WWOX: variants seen among roughly 807,000 people sequenced by gnomAD.
WWOX encodes the protein WW domain-containing oxidoreductase.
WWOX carries 69 observed loss-of-function variants against 46.2 expected under a neutral mutation model. That is an observed-to-expected ratio of 1.49 (90% CI 1.23 to 1.82). The LOEUF is 1.82. Among genes scored for constraint, WWOX ranks in the 40% most tolerant of loss-of-function variants. The pLI, the probability that WWOX is intolerant of heterozygous loss-of-function variation, is 0.00. For missense variants in WWOX, 919 were observed against 542.6 expected (o/e 1.69, Z -6.89); for synonymous variants, 359 against 202.6 (o/e 1.77, Z -6.56).
chr16:78,476,738 A>G (rs1048288542), intron 8 of WWOX, among the ~76,000 whole-genome samples: 2 of 152,202 alleles, frequency 1.3e-5, no homozygotes, highest in Non-Finnish European at 2.9e-5. Flanking sequence ...CTTCAGTTGA[A>G]GACCTAAATG....
chr16:79,082,921 A>G (rs1306439847), intron 8 of WWOX, among the ~76,000 whole-genome samples: 1 of 152,078 alleles, frequency 6.6e-6, no homozygotes, highest in Non-Finnish European at 1.5e-5. Flanking sequence ...CGGTTTTGGG[A>G]GGCCGGGGAT....
chr16:78,128,883 C>T (rs754505079), intron 4 of WWOX, among the ~76,000 whole-genome samples: 3 of 152,178 alleles, frequency 2.0e-5, no homozygotes, highest in Non-Finnish European at 2.9e-5. Flanking sequence ...CTTCTATCAG[C>T]TGAGAGATCA....
At chr16:79,036,980 G>A (rs758441787) in intron 8 of WWOX, among the ~76,000 whole-genome samples, 22 of 152,108 alleles carry the variant, frequency 1.4e-4, no homozygotes, top group East Asian at 3.9e-4. Context: ...AAGGAATATG[G>A]GTATAGTGAT....
chr16:78,353,284 A>G (rs4448955), intron 5 of WWOX, among the ~76,000 whole-genome samples: 107,237 of 152,054 alleles, frequency 0.71, 38,668 homozygotes, highest in African/African-American at 0.76. Flanking sequence ...TGAGGCTATT[A>G]GGATTAAGGG....
intron 8 of WWOX, among the ~76,000 whole-genome samples, chr16:78,993,895 G>A (rs1010155727): frequency 2.0e-5 from 3 of 152,110 alleles, no homozygotes; most frequent in African/African-American, 7.2e-5. Flanking sequence ...TGTCCGTTGG[G>A]TGCAGGCATT....
intron 5 of WWOX, among the ~76,000 whole-genome samples, chr16:78,292,551 C>T (rs2079876580): frequency 6.6e-6 from 1 of 151,846 alleles, no homozygotes; most frequent in Non-Finnish European, 1.5e-5. Context: ...TTCTATGGTC[C>T]AAATAAGTAT....
intron 8 of WWOX, among the ~76,000 whole-genome samples, chr16:79,186,481 TCTC>T (rs1488067339): frequency 6.6e-6 from 1 of 152,176 alleles, no homozygotes; most frequent in Non-Finnish European, 1.5e-5. Flanking sequence ...CTGGATCTCT[TCTC>T]CTTTGTTATC....
chr16:79,057,457 C>T (rs2048283727), intron 8 of WWOX, among the ~76,000 whole-genome samples: 2 of 152,182 alleles, frequency 1.3e-5, no homozygotes, highest in Admixed American at 1.3e-4. Flanking sequence ...TCTCAGGCTC[C>T]TTCTCATTAG....
At chr16:79,188,767 A>G (rs1348370990) in intron 8 of WWOX, among the ~76,000 whole-genome samples, 1 of 152,160 alleles carries the variant, frequency 6.6e-6, no homozygotes, top group Non-Finnish European at 1.5e-5. Flanking sequence ...CTCGAAATCC[A>G]CATTCTTCCC....
At chr16:78,403,520 T>C (rs189282962) in intron 6 of WWOX, among the ~76,000 whole-genome samples, 1 of 152,326 alleles carries the variant, frequency 6.6e-6, no homozygotes, top group Admixed American at 6.5e-5. Context: ...TAATGTGTTT[T>C]CAGGAAGGCT....
intron 8 of WWOX, among the ~76,000 whole-genome samples, chr16:78,531,316 T>C (rs1363194874): frequency 6.6e-6 from 1 of 152,202 alleles, no homozygotes; most frequent in Non-Finnish European, 1.5e-5. Context: ...ATTTCCTTTT[T>C]GTTTTTCCTT....
chr16:78,641,336 C>G (rs920833540), intron 8 of WWOX, among the ~76,000 whole-genome samples: 3 of 151,966 alleles, frequency 2.0e-5, no homozygotes, highest in Admixed American at 6.6e-5. Flanking sequence ...AAAAAGCCTT[C>G]TTTTTAATTA....
intron 8 of WWOX, among the ~76,000 whole-genome samples, chr16:78,637,649 C>T (rs184594338): frequency 1.3e-5 from 2 of 152,320 alleles, no homozygotes; most frequent in African/African-American, 2.4e-5. Context: ...GGGCTGGAGA[C>T]GTTGTTTTCC....
intron 5 of WWOX, among the ~76,000 whole-genome samples, chr16:78,197,080 G>A (rs191107581): frequency 2.2e-3 from 336 of 152,306 alleles, no homozygotes; most frequent in Non-Finnish European, 2.7e-3. Context: ...CTCTGCACCA[G>A]ACTCGTATCA....
chr16:78,641,721 C>T (rs1334908405), intron 8 of WWOX, among the ~76,000 whole-genome samples: 2 of 152,160 alleles, frequency 1.3e-5, no homozygotes, highest in Non-Finnish European at 2.9e-5. Flanking sequence ...TGGATTAACA[C>T]AGTGATAGAC....
chr16:78,285,037 C>T (rs193119140), intron 5 of WWOX, among the ~76,000 whole-genome samples: 2 of 152,152 alleles, frequency 1.3e-5, no homozygotes, highest in South Asian at 4.1e-4. Context: ...GCTTGGCTAG[C>T]TGGTGGACTT....
At chr16:78,849,573 CAAAAAAA>C (rs778723646) in intron 8 of WWOX, among the ~76,000 whole-genome samples, 124 of 97,328 alleles carry the variant, frequency 1.3e-3, no homozygotes, top group African/African-American at 4.9e-3. Flanking sequence ...GAATCCCTCT[CAAAAAAA>C]AAAAAAAAAA....
At chr16:78,660,412 G>T (rs752264746) in intron 8 of WWOX, among the ~76,000 whole-genome samples, 1 of 152,142 alleles carries the variant, frequency 6.6e-6, no homozygotes, top group Non-Finnish European at 1.5e-5. Flanking sequence ...CTGAGAGGTG[G>T]AAGGGGCCAC....
At chr16:78,966,930 G>C (rs1826569473) in intron 8 of WWOX, among the ~76,000 whole-genome samples, 1 of 152,186 alleles carries the variant, frequency 6.6e-6, no homozygotes, top group African/African-American at 2.4e-5. Context: ...CGTCTGCGTT[G>C]TGTCTGGTAC....
Sources: allele counts gnomAD v4.1 joint callset (sites outside exome capture counted in the v4.1 genomes callset), GRCh38; gene constraint gnomAD v4.1.1; transcripts MANE v1.5; gene names NCBI Gene and HGNC (gene_info 2026-07-23, HGNC 2026-07-21).